STK32C: variants seen among roughly 807,000 people sequenced by gnomAD.
STK32C encodes serine/threonine kinase 32C.
Under a neutral mutation model 56.5 loss-of-function variants are expected in STK32C, and 31 were observed. That is an observed-to-expected ratio of 0.55 (90% CI 0.41 to 0.74). STK32C has a LOEUF of 0.74. Ranked by LOEUF, STK32C falls within the 30% of genes least tolerant of loss-of-function variation. The probability of loss-of-function intolerance (pLI) is 0.00; values close to 1 mark genes in which losing one functional copy is unlikely to be tolerated. For synonymous variants in STK32C, 309 were observed against 289.4 expected, an observed-to-expected ratio of 1.07 and a Z score of -0.69; for missense variants, 544 against 676.9, an observed-to-expected ratio of 0.80 and a Z score of 2.18.
chr10:132,243,526 G>C (rs961527518), intron 2 of STK32C, among the ~76,000 whole-genome samples: 9 of 152,196 alleles, frequency 5.9e-5, no homozygotes, highest in African/African-American at 2.2e-4. Flanking sequence ...TAAGTGGTTA[G>C]TCCTGGAATT....
exon 1 of STK32C, chr10:132,331,650 C>T (rs2066750419): frequency 1.2e-6 from 2 of 1,612,862 alleles, no homozygotes; most frequent in Non-Finnish European, 1.7e-6. Flanking sequence ...AAAGGTGGTG[C>T]CTCAGCAGCA....
chr10:132,228,953 C>T (rs1473097270), intron 2 of STK32C, among the ~76,000 whole-genome samples: 2 of 152,238 alleles, frequency 1.3e-5, no homozygotes, highest in African/African-American at 4.8e-5. Context: ...AGGCCTGTAC[C>T]CTCTGAGCAT....
intron 6 of STK32C, 55 bp from the exon 7 acceptor site, chr10:132,225,391 T>C (rs2137701269): frequency 1.9e-6 from 3 of 1,586,860 alleles, no homozygotes; most frequent in Non-Finnish European, 2.6e-6. Context: ...CCCGGACCCG[T>C]GGGCACAGGG....
intron 1 of STK32C, among the ~76,000 whole-genome samples, chr10:132,290,388 G>A (rs1438706525): frequency 2.0e-5 from 3 of 152,340 alleles, no homozygotes; most frequent in African/African-American, 4.8e-5. Context: ...AGTCCAGAGC[G>A]AACATAACCC....
At chr10:132,288,732 T>C (rs1028115685) in intron 1 of STK32C, among the ~76,000 whole-genome samples, 3 of 152,190 alleles carry the variant, frequency 2.0e-5, no homozygotes, top group Admixed American at 6.5e-5. Flanking sequence ...CAAAAATTAC[T>C]TGGGGATAAA....
At chr10:132,227,552 T>C (rs953976087) in intron 3 of STK32C, among the ~76,000 whole-genome samples, 3 of 151,868 alleles carry the variant, frequency 2.0e-5, no homozygotes, top group African/African-American at 4.8e-5. Flanking sequence ...GTGTTGATTA[T>C]AGTGATGACG....
intron 1 of STK32C, among the ~76,000 whole-genome samples, chr10:132,279,395 A>G (rs2065085236): frequency 6.6e-6 from 1 of 151,916 alleles, no homozygotes; most frequent in Admixed American, 6.6e-5. Context: ...AGTCCAGAAC[A>G]CTCTGCACAC....
intron 2 of STK32C, among the ~76,000 whole-genome samples, chr10:132,243,185 A>G (rs1189244849): frequency 1.3e-5 from 2 of 152,226 alleles, no homozygotes; most frequent in Non-Finnish European, 2.9e-5. Flanking sequence ...GGCTGCCCCC[A>G]TCTGTGGCTC....
chr10:132,300,895 C>T (rs145295851), intron 1 of STK32C, among the ~76,000 whole-genome samples: 2 of 152,288 alleles, frequency 1.3e-5, no homozygotes, highest in African/African-American at 4.8e-5. Flanking sequence ...GTTCACAGAG[C>T]TTTATTTTTA....
chr10:132,270,361 A>T (rs1399936176), intron 1 of STK32C, among the ~76,000 whole-genome samples: 1 of 152,240 alleles, frequency 6.6e-6, no homozygotes, highest in Non-Finnish European at 1.5e-5. Context: ...AGGTGATACC[A>T]CAAGTGAAGC....
At chr10:132,291,641 C>T (rs1307687092) in intron 1 of STK32C, among the ~76,000 whole-genome samples, 4 of 152,202 alleles carry the variant, frequency 2.6e-5, no homozygotes, top group African/African-American at 9.7e-5. Context: ...CTTCACGCAT[C>T]CAGACTCCTG....
intron 1 of STK32C, among the ~76,000 whole-genome samples, chr10:132,304,177 C>T (rs191405930): frequency 1.1e-4 from 17 of 152,326 alleles, no homozygotes; most frequent in Non-Finnish European, 1.9e-4. Flanking sequence ...AACAGAAACA[C>T]CTCACAGTCC....
upstream of STK32C, among the ~76,000 whole-genome samples, chr10:132,309,245 G>C (rs1350311255): frequency 2.6e-5 from 4 of 152,180 alleles, no homozygotes; most frequent in East Asian, 7.7e-4. Context: ...GTGAGCACGG[G>C]AAGTCTGTGT....
At chr10:132,245,988 G>A (rs2063672944) in intron 1 of STK32C, 33 bp from the exon 2 acceptor site, 1 of 1,609,100 alleles carries the variant, frequency 6.2e-7, no homozygotes, top group Non-Finnish European at 8.5e-7. Flanking sequence ...ACCTGGTGAG[G>A]TGGCAGCAAG....
intron 1 of STK32C, among the ~76,000 whole-genome samples, chr10:132,295,555 G>T (rs993178650): frequency 1.3e-5 from 2 of 152,200 alleles, no homozygotes. Context: ...CAATGACGGG[G>T]TAACAGAATT....
chr10:132,215,819 A>C (rs1156857098), intron 10 of STK32C, among the ~76,000 whole-genome samples: 2 of 152,222 alleles, frequency 1.3e-5, no homozygotes, highest in African/African-American at 4.8e-5. Flanking sequence ...AAAATGTGGG[A>C]AAGTTTGGAA....
rs569155284 is a variant in STK32C at position 132,240,774 on chromosome 10, G to A, written c.318+5126C>T. On this transcript the variant is annotated intron_variant, in intron 2 of 11. Coordinates refer to ENST00000298630, the MANE Select transcript of STK32C (RefSeq NM_173575.4). ...AGGGCGAGGAGCCCAGCCAGCCAGGGGGGTTAGAGAGGAGAGGGCAGAGAC... is the reference window on the plus strand; with the variant it reads ...AGGGCGAGGAGCCCAGCCAGCCAGGAGGGTTAGAGAGGAGAGGGCAGAGAC... Among the ~76,000 whole-genome samples, 23 of 152,266 alleles carry A rather than the reference G, an allele frequency of 1.5e-4. 3 individuals are homozygous for A. The South Asian group carries it at 3.7e-3, about 25-fold the overall frequency.
At chr10:132,208,839 G>A (rs765216247) in intron 11 of STK32C, among the ~76,000 whole-genome samples, 195 bp downstream of exon 11, 6 of 152,182 alleles carry the variant, frequency 3.9e-5, no homozygotes, top group Non-Finnish European at 8.8e-5. Flanking sequence ...GGCCCCGCGT[G>A]GAGCACAAAC....
chr10:132,249,639 G>A (rs1565109112), intron 1 of STK32C, among the ~76,000 whole-genome samples: 2 of 152,156 alleles, frequency 1.3e-5, no homozygotes, highest in South Asian at 4.1e-4. Context: ...CTGGATGACC[G>A]TGGCTCCACC....
Sources: gnomAD v4.1 joint callset for allele counts (sites outside exome capture counted in the v4.1 genomes callset) on GRCh38, gnomAD v4.1.1 for gene constraint, MANE v1.5 for transcripts, NCBI Gene and HGNC (gene_info 2026-07-23, HGNC 2026-07-21) for gene names.